MYO16: variants seen among roughly 807,000 people sequenced by gnomAD.
MYO16 encodes the protein myosin XVI, also known as unconventional myosin-XVI.
A neutral mutation model predicts 205.3 loss-of-function variants in MYO16; 94 were observed. That is an observed-to-expected ratio of 0.46 (90% CI 0.39 to 0.54). The LOEUF is 0.54. Among genes scored for constraint, MYO16 ranks in the 20% least tolerant of loss-of-function variants. The pLI is 0.00. For missense variants in MYO16, 2,315 were observed against 2,387.5 expected (o/e 0.97, Z 0.63); for synonymous variants, 988 against 954.0 (o/e 1.04, Z -0.66).
chr13:108,591,462 G>T (rs142071027), upstream of MYO16, among the ~76,000 whole-genome samples: 2 of 151,764 alleles, frequency 1.3e-5, no homozygotes, highest in Non-Finnish European at 2.9e-5. Context: ...AAAAAGTCAG[G>T]CTCATAAATG....
At chr13:108,937,669 G>A (rs181605825) in intron 16 of MYO16, among the ~76,000 whole-genome samples, 88 of 152,278 alleles carry the variant, frequency 5.8e-4, no homozygotes, top group African/African-American at 2.1e-3. Context: ...GCTTTCAGTT[G>A]TATTTTGACT....
At chr13:108,597,753 T>A (rs1372756111) in intron 1 of MYO16, among the ~76,000 whole-genome samples, 3 of 152,196 alleles carry the variant, frequency 2.0e-5, no homozygotes, top group South Asian at 2.1e-4. Flanking sequence ...CTGTGTGTGA[T>A]TACCGGTGGT....
intron 10 of MYO16, among the ~76,000 whole-genome samples, chr13:108,848,743 A>C (rs913749794): frequency 3.3e-5 from 5 of 152,192 alleles, no homozygotes; most frequent in African/African-American, 9.6e-5. Context: ...TGAGTTCAGA[A>C]GTTGGAGGCT....
intron 4 of MYO16, among the ~76,000 whole-genome samples, chr13:108,770,755 A>G (rs1885934458): frequency 6.6e-6 from 1 of 152,206 alleles, no homozygotes; most frequent in African/African-American, 2.4e-5. Context: ...GAAAATAAGA[A>G]CCATTTCCAA....
At chr13:108,905,182 A>T (rs1165061128) in intron 15 of MYO16, among the ~76,000 whole-genome samples, 1 of 152,120 alleles carries the variant, frequency 6.6e-6, no homozygotes, top group East Asian at 1.9e-4. Flanking sequence ...CAGGTTGGCC[A>T]TCGGTTTGTA....
intron 3 of MYO16, among the ~76,000 whole-genome samples, chr13:108,717,490 C>T (rs564552501): frequency 2.6e-5 from 4 of 151,762 alleles, no homozygotes; most frequent in East Asian, 1.9e-4. Context: ...ATTAGCCGGG[C>T]GTGGTGGTGG....
At chr13:108,827,293 T>A (rs1309361794) in intron 9 of MYO16, among the ~76,000 whole-genome samples, 1 of 152,124 alleles carries the variant, frequency 6.6e-6, no homozygotes, top group Non-Finnish European at 1.5e-5. Flanking sequence ...CAAGAAAGAA[T>A]GGAATAGTTC....
Position 108,780,558 on chromosome 13 carries a change from T to A in MYO16, c.508-5077T>A, listed in dbSNP as rs1258886975. On this transcript the variant is annotated intron_variant, in intron 4 of 34. Coordinates refer to ENST00000457511, the MANE Select transcript of MYO16 (RefSeq NM_001198950.3). ...TGAAGGTAGGTAAGGTAAGTAGGAG[T>A]ATAGTGATTTTGTAACTATATAAAC... is the stretch of plus-strand genomic sequence containing the variant. Among the ~76,000 whole-genome samples, 6 of 152,210 alleles carry A rather than the reference T, an allele frequency of 3.9e-5. No homozygotes were observed. In the East Asian group the frequency reaches 1.2e-3, roughly 29 times the overall value.
At chr13:108,841,734 CTT>C (rs2139066239) in intron 9 of MYO16, among the ~76,000 whole-genome samples, 1 of 152,158 alleles carries the variant, frequency 6.6e-6, no homozygotes, top group Admixed American at 6.5e-5. Flanking sequence ...AGAAGAGAAA[CTT>C]TGTATGGAAC....
intron 27 of MYO16, among the ~76,000 whole-genome samples, chr13:109,078,459 T>C (rs1057316784): frequency 4.6e-5 from 7 of 152,126 alleles, no homozygotes; most frequent in African/African-American, 1.7e-4. Flanking sequence ...TGCATGTCTT[T>C]AACATATTTA....
At chr13:108,668,140 G>A (rs1881822978) in intron 2 of MYO16, among the ~76,000 whole-genome samples, 1 of 152,196 alleles carries the variant, frequency 6.6e-6, no homozygotes, top group South Asian at 2.1e-4. Flanking sequence ...AAAACTCATA[G>A]TAGTAAATTA....
intron 20 of MYO16, among the ~76,000 whole-genome samples, chr13:108,972,187 A>T (rs1390003735): frequency 1.0e-5 from 1 of 99,764 alleles, no homozygotes; most frequent in Non-Finnish European, 1.9e-5. Flanking sequence ...TCCAGCCTGG[A>T]TGACAGACTG....
At chr13:108,591,220 G>T (rs1436472241), upstream of MYO16, among the ~76,000 whole-genome samples, 1 of 152,180 alleles carries the variant, frequency 6.6e-6, no homozygotes, top group Non-Finnish European at 1.5e-5. Context: ...AGTCTGAGAA[G>T]CCCTGTCTCT....
chr13:108,997,940 G>T (rs549263553), intron 21 of MYO16, among the ~76,000 whole-genome samples: 2 of 152,272 alleles, frequency 1.3e-5, no homozygotes, highest in East Asian at 3.9e-4. Flanking sequence ...TCATTTCCCT[G>T]CTTACAGACT....
upstream of MYO16, among the ~76,000 whole-genome samples, chr13:108,626,620 A>G (rs376143316): frequency 1.3e-5 from 2 of 152,058 alleles, no homozygotes. Context: ...CCTGACTAAC[A>G]TGGTGAAATC....
chr13:108,588,065 C>G, the MYO16 span, among the ~76,000 whole-genome samples: 1 of 151,544 alleles, frequency 6.6e-6, no homozygotes. Context: ...TTTATTAATA[C>G]CATTTCTTAG....
intron 1 of MYO16, among the ~76,000 whole-genome samples, chr13:108,606,410 C>T (rs1878960256): frequency 1.3e-5 from 2 of 152,208 alleles, no homozygotes; most frequent in South Asian, 4.1e-4. Flanking sequence ...GGACATGGCA[C>T]TAGGTGTCCC....
At chr13:109,019,978 A>G in intron 23 of MYO16, 67 bp downstream of exon 23, 4 of 1,460,502 alleles carry the variant, frequency 2.7e-6, no homozygotes, top group Non-Finnish European at 3.8e-6. Context: ...GACAAGCTCT[A>G]GAGTTATTGA....
chr13:109,091,918 G>A (rs188093116), intron 27 of MYO16, among the ~76,000 whole-genome samples: 5 of 152,216 alleles, frequency 3.3e-5, no homozygotes, highest in African/African-American at 4.8e-5. Flanking sequence ...TAAGAAAACC[G>A]CATCTTTTCT....
Sources: gnomAD v4.1 joint callset for allele counts (sites outside exome capture counted in the v4.1 genomes callset) on GRCh38, gnomAD v4.1.1 for gene constraint, MANE v1.5 for transcripts, NCBI Gene and HGNC (gene_info 2026-07-23, HGNC 2026-07-21) for gene names.